Variants in WWOX observed in about 807,000 individuals in gnomAD.
The protein encoded by WWOX is WW domain containing oxidoreductase, also known as WW domain-containing oxidoreductase.
Under a neutral mutation model 46.2 loss-of-function variants are expected in WWOX, and 69 were observed. The observed-to-expected ratio is 1.49, with a 90% confidence interval of 1.23 to 1.82. The LOEUF is 1.82. Ranked by LOEUF, WWOX falls within the 40% of genes most tolerant of loss-of-function variation. The pLI, the probability that WWOX is intolerant of heterozygous loss-of-function variation, is 0.00. For synonymous variants in WWOX, 359 were observed against 202.6 expected (o/e 1.77, Z -6.56); for missense variants, 919 against 542.6 (o/e 1.69, Z -6.89).
At chr16:78,465,234 A>G (rs568021547) in intron 8 of WWOX, among the ~76,000 whole-genome samples, 1 of 152,306 alleles carries the variant, frequency 6.6e-6, no homozygotes, top group East Asian at 1.9e-4. Flanking sequence ...AAAAATTGCT[A>G]TTTCTAAGGC....
intron 8 of WWOX, among the ~76,000 whole-genome samples, chr16:78,523,071 C>G (rs959487282): frequency 1.1e-4 from 16 of 151,658 alleles, no homozygotes; most frequent in African/African-American, 3.9e-4. Flanking sequence ...AACCCATCCC[C>G]CAAAAAAATA....
chr16:79,132,480 G>C (rs577191526), intron 8 of WWOX, among the ~76,000 whole-genome samples: 1 of 152,256 alleles, frequency 6.6e-6, no homozygotes, highest in African/African-American at 2.4e-5. Flanking sequence ...TTATTTGGGA[G>C]AGTTACTTGC....
At chr16:78,714,719 C>A (rs983944010) in intron 8 of WWOX, among the ~76,000 whole-genome samples, 1 of 152,086 alleles carries the variant, frequency 6.6e-6, no homozygotes, top group Non-Finnish European at 1.5e-5. Flanking sequence ...TCCAATGGAA[C>A]TTGGGCGGAA....
chr16:78,182,252 C>A (rs1039228969), intron 5 of WWOX, among the ~76,000 whole-genome samples: 3 of 152,122 alleles, frequency 2.0e-5, no homozygotes, highest in Admixed American at 6.5e-5. Context: ...CATGATGGTA[C>A]CCGAGTACTT....
In WWOX at chr16:78,558,429, G is replaced by A. The variant is rs192594661; in HGVS notation, c.1056+125677G>A. Among the ~76,000 whole-genome samples the A allele has an allele frequency of 1.6e-4, 24 of 152,308 alleles. 1 individual carries two copies. In the East Asian group the frequency reaches 3.5e-3, roughly 22 times the overall value. On this transcript the variant is annotated intron_variant, in intron 8 of 8. Transcript: ENST00000566780. ...AAAATTGGGATTTCCTGCTTATCTC[G>A]ACAAAGCAGATCTGGCATCCTTTGC...
intron 5 of WWOX, among the ~76,000 whole-genome samples, chr16:78,282,411 G>T (rs1200633910): frequency 6.6e-6 from 1 of 152,188 alleles, no homozygotes; most frequent in African/African-American, 2.4e-5. Context: ...GGTCAGCAAA[G>T]AACAGTTCTT....
Position 78,373,597 on chromosome 16 carries a change from C to G in WWOX, c.517-13263C>G, listed in dbSNP as rs970996018. On this transcript the variant is annotated intron_variant, in intron 5 of 8. Transcript: ENST00000566780. The stretch of plus-strand genomic sequence containing the variant: ...GAAGTATTCTGAGGGACAGCTAGTT[C>G]TATCTGCAGTGTATCTTTTTTAAAC... Among the ~76,000 whole-genome samples, 61 of 151,850 alleles carry G rather than the reference C, an allele frequency of 4.0e-4. 1 individual carries two copies. The highest frequency in any genetic ancestry group is 4.6e-4 in the Non-Finnish European group (31 of 68,002).
chr16:79,189,686 T>A (rs926864619), intron 8 of WWOX, among the ~76,000 whole-genome samples: 1 of 151,934 alleles, frequency 6.6e-6, no homozygotes, highest in Non-Finnish European at 1.5e-5. Flanking sequence ...TGACAATAGA[T>A]GTTAGCTAGG....
chr16:79,128,919 T>C (rs8054312), intron 8 of WWOX, among the ~76,000 whole-genome samples: 75,834 of 151,916 alleles, frequency 0.5, 20,084 homozygotes, highest in African/African-American at 0.69. Context: ...CGCACAAAGG[T>C]GCCATTGTTG....
chr16:78,884,124 T>G (rs2151218633), intron 8 of WWOX, among the ~76,000 whole-genome samples: 1 of 151,748 alleles, frequency 6.6e-6, no homozygotes, highest in Admixed American at 6.6e-5. Flanking sequence ...ACAAAAATAT[T>G]AGTCAGGCAT....
At chr16:78,731,428 C>G (rs1467059661) in intron 8 of WWOX, among the ~76,000 whole-genome samples, 2 of 152,216 alleles carry the variant, frequency 1.3e-5, no homozygotes, top group East Asian at 1.9e-4. Context: ...CTGCACTGAT[C>G]CCTTTGAATC....
At chr16:78,753,696 G>C (rs1213125703) in intron 8 of WWOX, among the ~76,000 whole-genome samples, 1 of 150,178 alleles carries the variant, frequency 6.7e-6, no homozygotes, top group Non-Finnish European at 1.5e-5. Flanking sequence ...CAGGTACTCA[G>C]GAGGCTGAGG....
intron 5 of WWOX, among the ~76,000 whole-genome samples, chr16:78,221,480 CTG>C (rs201622031): frequency 0.015 from 2,322 of 152,268 alleles, 26 homozygotes; most frequent in Non-Finnish European, 0.025. Context: ...ATGGTGGACT[CTG>C]TGGGTAGAGA....
chr16:79,022,275 G>A lies in WWOX; in HGVS notation c.1057-189333G>A, dbSNP rs953159599. Among the ~76,000 whole-genome samples the A allele has an allele frequency of 7.0e-5, 10 of 143,396 alleles. 1 individual carries two copies. Among genetic ancestry groups the A allele is most frequent in the Non-Finnish European group, 3.0e-5 (2 of 67,180 alleles). 94.1% of individuals were successfully genotyped at this position (143,396 alleles called of 152,430 possible). ...GTGCTTGGGGCACATTGGCAGCTGC[G>A]AAAAGCTCGCTCTGATGCCTGTGTG... On this transcript the variant is annotated intron_variant, in intron 8 of 8. Transcript: ENST00000566780.
At chr16:79,034,597 A>C (rs1944256702) in intron 8 of WWOX, among the ~76,000 whole-genome samples, 1 of 151,844 alleles carries the variant, frequency 6.6e-6, no homozygotes, top group Admixed American at 6.6e-5. Context: ...TTGTGGAGTG[A>C]TTATCTGTTC....
chr16:78,970,274 G>T lies in WWOX; in HGVS notation c.1057-241334G>T, dbSNP rs116550438. Among the ~76,000 whole-genome samples the T allele has an allele frequency of 2.2e-3, 342 of 152,268 alleles. 3 individuals carry two copies. The highest frequency in any genetic ancestry group is 8.0e-3 in the African/African-American group (333 of 41,544). On this transcript the variant is annotated intron_variant, in intron 8 of 8. Coordinates refer to ENST00000566780, the MANE Select transcript of WWOX (RefSeq NM_016373.4). ...TAGAGACTCAGATTTATCCCTGCCC[G>T]AATCATTTTCTTTGATTCTCTGCCC...
rs72797976 is a variant in WWOX, at chr16:78,432,353, G to T, written c.792-135G>T. On this transcript the variant is annotated intron_variant, in intron 7 of 8. Coordinates refer to ENST00000566780, the MANE Select transcript of WWOX (RefSeq NM_016373.4). Reference sequence around the variant, plus strand: ...ACTCCCGACCTCAGGTGATCCACTCGTCTAAGACTCCCAAAGTGCTCGGAT... The same window carrying T: ...ACTCCCGACCTCAGGTGATCCACTCTTCTAAGACTCCCAAAGTGCTCGGAT... 5 of 1,201,156 alleles carry T rather than the reference G, an allele frequency of 4.2e-6. No homozygotes were observed. In the East Asian group the frequency reaches 7.2e-5, roughly 17 times the overall value. 74.4% of individuals were successfully genotyped at this position (1,201,156 alleles called of 1,614,324 possible).
chr16:78,492,708 A>G (rs1320677711), intron 8 of WWOX, among the ~76,000 whole-genome samples: 39 of 152,172 alleles, frequency 2.6e-4, no homozygotes, highest in Non-Finnish European at 5.9e-5. Context: ...ATAATTCTCA[A>G]TGACTTTCAA....
intron 5 of WWOX, among the ~76,000 whole-genome samples, chr16:78,377,692 C>A (rs1005998994): frequency 6.6e-6 from 1 of 152,138 alleles, no homozygotes; most frequent in Non-Finnish European, 1.5e-5. Context: ...GGATTATTTT[C>A]GCTCTCTTAT....
Sources: allele counts gnomAD v4.1 joint callset (sites outside exome capture counted in the v4.1 genomes callset), GRCh38; gene constraint gnomAD v4.1.1; transcripts MANE v1.5; gene names NCBI Gene and HGNC (gene_info 2026-07-23, HGNC 2026-07-21).